ZFAT: variants seen among roughly 807,000 people sequenced by gnomAD.
ZFAT encodes the protein zinc finger and AT-hook domain containing.
Under a neutral mutation model 117.7 loss-of-function variants are expected in ZFAT, and 64 were observed. The observed-to-expected ratio is 0.54, with a 90% CI of 0.44 to 0.67. The LOEUF is 0.67. Among genes scored for constraint, ZFAT ranks in the 30% least tolerant of loss-of-function variants. The pLI is 0.00. For synonymous variants in ZFAT, 679 were observed against 615.0 expected, an observed-to-expected ratio of 1.10 and a Z score of -1.54; for missense variants, 1,433 against 1,584.5, an observed-to-expected ratio of 0.90 and a Z score of 1.62.
At chr8:134,779,353 T>C in the ZFAT span, among the ~76,000 whole-genome samples, 1 of 152,182 alleles carries the variant, frequency 6.6e-6, no homozygotes, top group Non-Finnish European at 1.5e-5. Context: ...TGGGTTAAAA[T>C]GTTGCAAAAC....
At chr8:134,677,179 A>T (rs1832846222) in intron 1 of ZFAT, among the ~76,000 whole-genome samples, 1 of 152,222 alleles carries the variant, frequency 6.6e-6, no homozygotes, top group South Asian at 2.1e-4. Flanking sequence ...AAGATCAACA[A>T]AATAGATAGA....
the ZFAT span, among the ~76,000 whole-genome samples, chr8:134,767,757 C>T: frequency 6.6e-6 from 1 of 152,072 alleles, no homozygotes; most frequent in Admixed American, 6.5e-5. Context: ...CTATTTTGTG[C>T]CTTTAAAATG....
the ZFAT span, among the ~76,000 whole-genome samples, chr8:134,753,658 C>T: frequency 2.0e-5 from 3 of 152,084 alleles, no homozygotes; most frequent in Admixed American, 6.5e-5. Context: ...CCAATAAATG[C>T]TTGTTGAGTA....
intron 10 of ZFAT, among the ~76,000 whole-genome samples, chr8:134,574,888 C>G (rs1176821664): frequency 6.6e-6 from 1 of 151,898 alleles, no homozygotes; most frequent in Non-Finnish European, 1.5e-5. Flanking sequence ...AGAAAATTGA[C>G]TTTACCTTTT....
chr8:134,645,187 A>G (rs187783882), intron 2 of ZFAT, among the ~76,000 whole-genome samples: 1 of 152,258 alleles, frequency 6.6e-6, no homozygotes, highest in Non-Finnish European at 1.5e-5. Context: ...GCTTCACGTT[A>G]TAACGAGAGA....
chr8:134,571,274 G>A (rs1437818936), intron 10 of ZFAT, among the ~76,000 whole-genome samples: 1 of 152,246 alleles, frequency 6.6e-6, no homozygotes, highest in African/African-American at 2.4e-5. Context: ...TGGCCAGGCT[G>A]TCAGGGAAGG....
chr8:134,496,730 A>G (rs1481492242), intron 15 of ZFAT, among the ~76,000 whole-genome samples: 1 of 152,246 alleles, frequency 6.6e-6, no homozygotes, highest in Non-Finnish European at 1.5e-5. Context: ...AGCCATGTGT[A>G]TAACCAACCA....
At chr8:134,801,646 A>AT in the ZFAT span, among the ~76,000 whole-genome samples, 29 of 152,020 alleles carry the variant, frequency 1.9e-4, no homozygotes, top group Non-Finnish European at 8.8e-5. Context: ...TTACAACCGT[A>AT]TTTTTTTCTT....
chr8:134,527,871 C>T (rs1156374774), intron 12 of ZFAT, among the ~76,000 whole-genome samples: 1 of 152,298 alleles, frequency 6.6e-6, no homozygotes, highest in East Asian at 1.9e-4. Context: ...CTCACATACG[C>T]CCCCAAATCT....
At chr8:134,623,432 C>T (rs574659752) in intron 3 of ZFAT, among the ~76,000 whole-genome samples, 2 of 152,320 alleles carry the variant, frequency 1.3e-5, no homozygotes, top group East Asian at 3.9e-4. Context: ...GCGGCATGCC[C>T]TCTTGGATAT....
At chr8:134,708,137 T>C (rs965388609) in intron 1 of ZFAT, among the ~76,000 whole-genome samples, 2 of 152,126 alleles carry the variant, frequency 1.3e-5, no homozygotes, top group Non-Finnish European at 2.9e-5. Flanking sequence ...TCTAAAACAA[T>C]GGAGCTCAAA....
the ZFAT span, among the ~76,000 whole-genome samples, chr8:134,754,716 ACCCTTAGCCCATGGGCTCTGAATAGG>A: frequency 6.6e-6 from 1 of 152,158 alleles, no homozygotes; most frequent in Admixed American, 6.5e-5. Context: ...CCTGTCACCA[ACCCTTAGCCCATGGGCTCTGAATAGG>A]CCCTGAGCCC....
At chr8:134,674,715 G>C (rs1432006308) in intron 1 of ZFAT, 4 of 210,882 alleles carry the variant, frequency 1.9e-5, no homozygotes, top group Non-Finnish European at 3.9e-5. Context: ...CCTCCCAGTA[G>C]GGGCCAACAG....
At chr8:134,716,452 G>A (rs907424546), upstream of ZFAT, among the ~76,000 whole-genome samples, 1 of 152,098 alleles carries the variant, frequency 6.6e-6, no homozygotes, top group African/African-American at 2.4e-5. Flanking sequence ...TCACATCCCC[G>A]GTCTGCCTGT....
the ZFAT span, among the ~76,000 whole-genome samples, chr8:134,803,541 C>A: frequency 6.6e-6 from 1 of 152,130 alleles, no homozygotes. Context: ...TGGAAAGCCA[C>A]CTGAGTCTGA....
chr8:134,531,334 CAACTCTAGTTAT>C (rs1198754644), intron 12 of ZFAT, among the ~76,000 whole-genome samples: 1 of 152,196 alleles, frequency 6.6e-6, no homozygotes, highest in Non-Finnish European at 1.5e-5. Context: ...CCCTAACCTG[CAACTCTAGTTAT>C]TTACTGGGGC....
chr8:134,660,373 C>A (rs980717180), intron 1 of ZFAT, among the ~76,000 whole-genome samples: 2 of 152,214 alleles, frequency 1.3e-5, no homozygotes, highest in Non-Finnish European at 1.5e-5. Context: ...TGAAATAAAA[C>A]TCATTACAGC....
chr8:134,825,983 T>G, the ZFAT span, among the ~76,000 whole-genome samples: 1 of 148,386 alleles, frequency 6.7e-6, no homozygotes, highest in African/African-American at 2.5e-5. Flanking sequence ...ATTGCGCCAC[T>G]GCACTCCAGC....
chr8:134,490,961 G>A lies in ZFAT; in HGVS notation c.3493-12240C>T, dbSNP rs118183267. Among the ~76,000 whole-genome samples, 326 of 152,244 alleles carry A rather than the reference G, an allele frequency of 2.1e-3. 10 individuals carry two copies. Among genetic ancestry groups the A allele is most frequent in the Admixed American group, 0.017 (254 of 15,284 alleles). Reference sequence around the variant, plus strand: ...ACGCCTGAAGCCAGTGCACCTCAGCGGCAGAACCCTCCATCCCTTGTAGAG... The same window carrying A: ...ACGCCTGAAGCCAGTGCACCTCAGCAGCAGAACCCTCCATCCCTTGTAGAG... On this transcript the variant is annotated intron_variant, in intron 15 of 15. Coordinates refer to ENST00000377838, the MANE Select transcript of ZFAT (RefSeq NM_020863.4).
Sources: gnomAD v4.1 joint callset for allele counts (sites outside exome capture counted in the v4.1 genomes callset) on GRCh38, gnomAD v4.1.1 for gene constraint, MANE v1.5 for transcripts, NCBI Gene and HGNC (gene_info 2026-07-23, HGNC 2026-07-21) for gene names.